The following FRAS1 variants were observed in gnomAD, a reference collection of about 807,000 sequenced individuals.
FRAS1 encodes Fraser extracellular matrix complex subunit 1.
A neutral mutation model predicts 435.2 loss-of-function variants in FRAS1; 290 were observed. The observed-to-expected ratio is 0.67, with a 90% CI of 0.61 to 0.73. The LOEUF (loss-of-function observed/expected upper bound fraction) is 0.73. Ranked by LOEUF, FRAS1 falls within the 30% of genes least tolerant of loss-of-function variation. The pLI is 0.00. For synonymous variants in FRAS1, 1,800 were observed against 1,851.0 expected (o/e 0.97, Z 0.71); for missense variants, 4,860 against 5,001.5 (o/e 0.97, Z 0.85).
intron 20 of FRAS1, 130 bp from the exon 21 acceptor site, chr4:78,363,383 G>A: frequency 4.6e-6 from 4 of 871,868 alleles, no homozygotes; most frequent in Non-Finnish European, 6.8e-6. Context: ...GATATACACT[G>A]CCTTTGGGCT....
chr4:78,481,828 G>A lies in FRAS1; in HGVS notation c.8468G>A (p.Arg2823His), dbSNP rs748866013. 1.7e-5 allele frequency: 27 copies of A among 1,613,838 alleles called. No homozygotes were observed. The highest frequency in any genetic ancestry group is 7.7e-5 in the South Asian group (7 of 91,076). Reference protein sequence around the residue: ...DAGTVKIPVIRHGTDLSTFAS... With the variant: ...DAGTVKIPVIHHGTDLSTFAS... ...GGCACAGTAAAGATTCCAGTTATCC[G>A]CCATGGTACTGACCTCTCTACTTTC... The change falls in exon 57 of 74, where the codon CGC becomes CAC. Residue 2823 changes from arginine to histidine, a missense_variant. Coordinates refer to ENST00000512123, the MANE Select transcript of FRAS1 (RefSeq NM_025074.7).
rs375760117 is a variant in FRAS1 at position 78,388,740 on chromosome 4, C to T, written c.3975+1039C>T. ...GGAGGATCACTTTAACCCAGAAGTT[C>T]CAGGTTGCAGTGAGCCATGATCACA... is the stretch of plus-strand genomic sequence containing the variant. On this transcript the variant is annotated intron_variant, in intron 29 of 73. Transcript: ENST00000512123. 1.3e-4 allele frequency among the ~76,000 whole-genome samples: 20 copies of T among 151,850 alleles called. No individual in the cohort carries two copies. The South Asian group carries it at 4.0e-3, about 30-fold the overall frequency.
chr4:78,421,036 T>C (rs553747915), intron 33 of FRAS1, among the ~76,000 whole-genome samples: 27 of 151,572 alleles, frequency 1.8e-4, no homozygotes, highest in Admixed American at 1.2e-3. Context: ...ACTGAAGAGC[T>C]TGGAGTCCGA....
rs541178824 is a variant in FRAS1, at chr4:78,123,886, T to G, written c.108+57870T>G. Among the ~76,000 whole-genome samples the G allele has an allele frequency of 9.2e-5, 14 of 152,328 alleles. No homozygotes were observed. In the South Asian group the frequency reaches 2.9e-3, roughly 32 times the overall value. On this transcript the variant is annotated intron_variant, in intron 2 of 73. Transcript: ENST00000512123. ...TTAAGGAGATTTTGGGCTGAGACGA[T>G]GGGGTTTTTTAAACATACAATCAAG...
chr4:78,424,300 C>T, intron 34 of FRAS1, 88 bp from the exon 35 acceptor site: 1 of 607,946 alleles, frequency 1.6e-6, no homozygotes, highest in South Asian at 2.8e-5. Context: ...CTTTAGCTTC[C>T]TAACCTCTGC....
intron 2 of FRAS1, among the ~76,000 whole-genome samples, chr4:78,135,217 G>A (rs1209676905): frequency 6.6e-5 from 10 of 152,094 alleles, no homozygotes; most frequent in Admixed American, 3.9e-4. Flanking sequence ...AACTCTTGCC[G>A]TCATAGTCAG....
At chr4:78,394,066 T>C (rs1038504477) in intron 29 of FRAS1, among the ~76,000 whole-genome samples, 3 of 152,026 alleles carry the variant, frequency 2.0e-5, no homozygotes, top group Admixed American at 2.0e-4. Flanking sequence ...TATTTGAATT[T>C]TTTTGCTTTT....
At chr4:78,407,461 A>G (rs1458139822) in intron 30 of FRAS1, among the ~76,000 whole-genome samples, 1 of 152,178 alleles carries the variant, frequency 6.6e-6, no homozygotes, top group Non-Finnish European at 1.5e-5. Flanking sequence ...TTTTAGCAGA[A>G]AGCCTGAGAA....
chr4:78,321,299 G>T (rs556019836), intron 18 of FRAS1, among the ~76,000 whole-genome samples: 1 of 152,286 alleles, frequency 6.6e-6, no homozygotes, highest in Non-Finnish European at 1.5e-5. Flanking sequence ...TGTGCTCAAA[G>T]TCATGTAGCC....
intron 2 of FRAS1, among the ~76,000 whole-genome samples, chr4:78,228,305 A>AGAT (rs1724359196): frequency 6.6e-6 from 1 of 152,206 alleles, no homozygotes; most frequent in South Asian, 2.1e-4. Flanking sequence ...TAAAGTGGAA[A>AGAT]GATGAGGCAC....
At chr4:78,279,111 G>A (rs749025700) in intron 10 of FRAS1, among the ~76,000 whole-genome samples, 38 of 152,368 alleles carry the variant, frequency 2.5e-4, no homozygotes, top group Non-Finnish European at 4.4e-4. Flanking sequence ...TGGTGAGGAG[G>A]TTTCTCTTAC....
intron 15 of FRAS1, among the ~76,000 whole-genome samples, chr4:78,312,859 A>AG (rs1553943110): frequency 0.025 from 3,066 of 121,704 alleles, 137 homozygotes; most frequent in African/African-American, 0.095. Flanking sequence ...GAAAGAAAGA[A>AG]AGAGAGAGAG....
intron 2 of FRAS1, among the ~76,000 whole-genome samples, chr4:78,129,055 A>G (rs372304606): frequency 2.1e-4 from 32 of 152,206 alleles, no homozygotes; most frequent in African/African-American, 7.2e-4. Flanking sequence ...GTCAAAGATC[A>G]GATAGTTGTA....
intron 32 of FRAS1, among the ~76,000 whole-genome samples, chr4:78,415,172 T>A (rs553789623): frequency 2.6e-4 from 39 of 152,330 alleles, no homozygotes; most frequent in South Asian, 1.7e-3. Context: ...CTCCCACTTA[T>A]GAGTGAGAAC....
intron 2 of FRAS1, among the ~76,000 whole-genome samples, chr4:78,084,041 T>C (rs1007547051): frequency 2.0e-5 from 3 of 152,096 alleles, no homozygotes; most frequent in Non-Finnish European, 4.4e-5. Context: ...AGAATAATTA[T>C]TTGATTTTCT....
intron 24 of FRAS1, among the ~76,000 whole-genome samples, chr4:78,373,774 A>AAATAATAAT (rs58619851): frequency 2.6e-5 from 4 of 151,348 alleles, no homozygotes; most frequent in African/African-American, 7.3e-5. Flanking sequence ...ACTCCGTCTT[A>AAATAATAAT]AATAATAATA....
chr4:78,098,693 G>A (rs1257136207), intron 2 of FRAS1, among the ~76,000 whole-genome samples: 1 of 152,240 alleles, frequency 6.6e-6, no homozygotes, highest in African/African-American at 2.4e-5. Context: ...GCACTAACGT[G>A]TGAGTGATCA....
chr4:78,400,682 G>T (rs1732848639), intron 29 of FRAS1, 52 bp from the exon 30 acceptor site: 8 of 1,556,152 alleles, frequency 5.1e-6, no homozygotes, highest in South Asian at 1.2e-5. Context: ...TTTAAGGATT[G>T]ATATATTCTT....
chr4:78,184,356 G>A (rs1722181669), intron 2 of FRAS1, among the ~76,000 whole-genome samples: 1 of 152,094 alleles, frequency 6.6e-6, no homozygotes, highest in Non-Finnish European at 1.5e-5. Context: ...GAGTGAGCTG[G>A]GTTCTCATAA....
Sources: gnomAD v4.1 joint callset for allele counts (sites outside exome capture counted in the v4.1 genomes callset) on GRCh38, gnomAD v4.1.1 for gene constraint, MANE v1.5 for transcripts, NCBI Gene and HGNC (gene_info 2026-07-23, HGNC 2026-07-21) for gene names.